PTPN4: variants seen among roughly 807,000 people sequenced by gnomAD.
PTPN4 encodes the protein tyrosine-protein phosphatase non-receptor type 4.
PTPN4 carries 49 observed loss-of-function variants against 135.5 expected under a neutral mutation model. The observed-to-expected ratio is 0.36, with a 90% CI of 0.29 to 0.46. The LOEUF (loss-of-function observed/expected upper bound fraction) is 0.46. PTPN4 is among the 20% of genes least tolerant of loss of function. The probability of loss-of-function intolerance (pLI) is 1.00; values close to 1 mark genes in which losing one functional copy is unlikely to be tolerated. For synonymous variants in PTPN4, 333 were observed against 369.9 expected, an observed-to-expected ratio of 0.90 and a Z score of 1.14; for missense variants, 860 against 1,101.0, an observed-to-expected ratio of 0.78 and a Z score of 3.10.
At chr2:119,912,375 A>C (rs866998079) in intron 10 of PTPN4, among the ~76,000 whole-genome samples, 61 of 152,312 alleles carry the variant, frequency 4.0e-4, no homozygotes, top group African/African-American at 1.3e-3. Context: ...TGGTTTGATA[A>C]GTACACATGT....
At chr2:119,922,629 CTG>C (rs1002216297) in intron 12 of PTPN4, among the ~76,000 whole-genome samples, 4 of 152,094 alleles carry the variant, frequency 2.6e-5, no homozygotes, top group Non-Finnish European at 5.9e-5. Flanking sequence ...GGATATATCT[CTG>C]TAGTTTTCTT....
At chr2:119,953,711 T>A (rs1679240483) in intron 19 of PTPN4, among the ~76,000 whole-genome samples, 1 of 152,232 alleles carries the variant, frequency 6.6e-6, no homozygotes, top group South Asian at 2.1e-4. Flanking sequence ...TAGGCTCTTT[T>A]GTATATTTTC....
chr2:119,925,261 C>T (rs1290674672), intron 12 of PTPN4, among the ~76,000 whole-genome samples: 2 of 152,162 alleles, frequency 1.3e-5, no homozygotes, highest in Non-Finnish European at 2.9e-5. Flanking sequence ...CCACCAGTAC[C>T]TTCTAAAAGC....
chr2:119,984,724 A>C lies in PTPN4; in HGVS notation c.*7654A>C. 6.6e-6 allele frequency among the ~76,000 whole-genome samples: 1 copy of C among 152,256 alleles called. No individual in the cohort carries two copies. The highest frequency in any genetic ancestry group is 1.9e-4 in the East Asian group (1 of 5,204). ...AAACAAGATAAAAATGCTGGTTTGC[A>C]TTAATACTGTTTTAGTCTTAAGAGC... On this transcript the variant is annotated 3_prime_UTR_variant, in exon 27 of 27. Transcript: ENST00000263708.
intron 13 of PTPN4, among the ~76,000 whole-genome samples, chr2:119,931,143 A>G (rs1273758919): frequency 1.3e-5 from 2 of 152,088 alleles, no homozygotes; most frequent in African/African-American, 4.8e-5. Context: ...TATAGTTTTT[A>G]TATGCTTCAG....
intron 4 of PTPN4, 29 bp from the exon 5 acceptor site, chr2:119,877,435 T>C (rs1678000750): frequency 6.2e-7 from 1 of 1,606,028 alleles, no homozygotes; most frequent in African/African-American, 1.3e-5. Context: ...TATAGTCTGA[T>C]TAATTAGAAC....
intron 5 of PTPN4, among the ~76,000 whole-genome samples, chr2:119,880,510 A>G (rs1278861675): frequency 6.6e-6 from 1 of 151,828 alleles, no homozygotes; most frequent in African/African-American, 2.4e-5. Flanking sequence ...GCTCATTGCA[A>G]GCTCTGCCTC....
rs1690451071 is a variant in PTPN4 at position 119,760,115 on chromosome 2, G to A, written c.-287G>A. 5.1e-6 allele frequency: 2 copies of A among 389,994 alleles called. No homozygotes were observed. Among genetic ancestry groups the A allele is most frequent in the Non-Finnish European group, 9.1e-6 (2 of 220,930 alleles). The allele number at this position is 389,994 out of a possible 1,614,324, so 24.2% of individuals were successfully genotyped here. On this transcript the variant is annotated 5_prime_UTR_variant, in exon 1 of 27. In the 5' UTR this introduces an upstream ATG that the reference lacks. Transcript: ENST00000263708. ...CCCTCCCCCACGCACTTTTGGGGGT[G>A]TGGATTATCTCATCCCTGCAGGGAG...
chr2:119,811,059 A>G (rs1183249242), intron 2 of PTPN4, among the ~76,000 whole-genome samples: 1 of 151,670 alleles, frequency 6.6e-6, no homozygotes, highest in Non-Finnish European at 1.5e-5. Flanking sequence ...TAAAATATGA[A>G]TCTTACACCG....
chr2:119,914,181 G>T (rs1304083903), intron 10 of PTPN4, among the ~76,000 whole-genome samples: 1 of 142,290 alleles, frequency 7.0e-6, no homozygotes, highest in Non-Finnish European at 1.5e-5. Flanking sequence ...ATATCAGTGT[G>T]TCTTCATAAG....
chr2:119,952,161 T>C, intron 19 of PTPN4, 32 bp downstream of exon 19: 1 of 1,567,576 alleles, frequency 6.4e-7, no homozygotes, highest in Non-Finnish European at 8.7e-7. Context: ...AGATAATTTA[T>C]AGTAATTTAT....
chr2:119,822,744 T>TC (rs1677089155), intron 2 of PTPN4, among the ~76,000 whole-genome samples: 3 of 151,950 alleles, frequency 2.0e-5, no homozygotes, highest in Non-Finnish European at 2.9e-5. Flanking sequence ...TTCTTTTTTT[T>TC]TCCCCCTCAA....
intron 2 of PTPN4, among the ~76,000 whole-genome samples, chr2:119,841,689 TACCA>T (rs1490308769): frequency 6.6e-6 from 1 of 151,974 alleles, no homozygotes; most frequent in Non-Finnish European, 1.5e-5. Flanking sequence ...ATGTTCTCTC[TACCA>T]GTTTATGAAT....
intron 1 of PTPN4, among the ~76,000 whole-genome samples, chr2:119,796,294 T>G (rs1691259278): frequency 6.6e-6 from 1 of 152,210 alleles, no homozygotes. Flanking sequence ...ATAAAAATAA[T>G]GAACATATCT....
chr2:119,769,542 T>C (rs1422933569), intron 1 of PTPN4, among the ~76,000 whole-genome samples: 6 of 152,170 alleles, frequency 3.9e-5, no homozygotes, highest in Non-Finnish European at 8.8e-5. Flanking sequence ...AGAAGAGTTA[T>C]AGTGGAAGAG....
chr2:119,927,516 G>A (rs779965494), intron 13 of PTPN4, among the ~76,000 whole-genome samples: 11 of 152,132 alleles, frequency 7.2e-5, no homozygotes, highest in Non-Finnish European at 1.2e-4. Flanking sequence ...GAAAGCCTCG[G>A]TACCCAGAAA....
intron 2 of PTPN4, among the ~76,000 whole-genome samples, chr2:119,814,068 G>C (rs971596422): frequency 1.3e-5 from 2 of 151,906 alleles, no homozygotes; most frequent in African/African-American, 4.8e-5. Flanking sequence ...TTTTAAATTT[G>C]ATCTATATGT....
At chr2:119,853,559 T>G (rs895848914) in intron 2 of PTPN4, among the ~76,000 whole-genome samples, 54 of 152,244 alleles carry the variant, frequency 3.5e-4, no homozygotes, top group African/African-American at 1.3e-3. Context: ...CCTTATCTAC[T>G]TTTAGAGACC....
In PTPN4 at chr2:119,816,909, A is replaced by G. The variant is rs150160453; in HGVS notation, c.138+6918A>G. 2.3e-3 allele frequency among the ~76,000 whole-genome samples: 349 copies of G among 152,284 alleles called. 3 individuals are homozygous for G. Among genetic ancestry groups the G allele is most frequent in the East Asian group, 8.3e-3 (43 of 5,182 alleles). On this transcript the variant is annotated intron_variant, in intron 2 of 26. Transcript: ENST00000263708. ...TTTTATAAGGCCACCATCATTTGCAATCTCAAGCAGTTGATTCTCTTCTAG... is the reference window on the plus strand; with the variant it reads ...TTTTATAAGGCCACCATCATTTGCAGTCTCAAGCAGTTGATTCTCTTCTAG...
Sources: allele counts gnomAD v4.1 joint callset (sites outside exome capture counted in the v4.1 genomes callset), GRCh38; gene constraint gnomAD v4.1.1; transcripts MANE v1.5; gene names NCBI Gene and HGNC (gene_info 2026-07-23, HGNC 2026-07-21).